Variants in CREBL2 observed in about 807,000 individuals in gnomAD.
CREBL2 encodes cAMP responsive element binding protein like 2, also known as cAMP-responsive element-binding protein-like 2.
A neutral mutation model predicts 19.5 loss-of-function variants in CREBL2; 4 were observed. The ratio of observed to expected loss-of-function variants is 0.20; its 90% CI spans 0.10 to 0.47. The LOEUF is 0.47. Among genes scored for constraint, CREBL2 ranks in the 20% least tolerant of loss-of-function variants. The pLI, the probability that CREBL2 is intolerant of heterozygous loss-of-function variation, is 0.98. For missense variants in CREBL2, 85 were observed against 145.1 expected, an observed-to-expected ratio of 0.59 and a Z score of 2.13; for synonymous variants, 42 against 46.6, an observed-to-expected ratio of 0.90 and a Z score of 0.40.
chr12:12,634,173 T>TG (rs35977324), intron 1 of CREBL2, among the ~76,000 whole-genome samples: 55,121 of 152,068 alleles, frequency 0.36, 10,179 homozygotes, highest in South Asian at 0.45. Flanking sequence ...TTGGAATAAA[T>TG]GTACCCCCTT....
intron 1 of CREBL2, among the ~76,000 whole-genome samples, chr12:12,628,690 C>T (rs1945420765): frequency 2.0e-5 from 3 of 152,050 alleles, no homozygotes; most frequent in African/African-American, 4.8e-5. Flanking sequence ...AGCTTCACTG[C>T]AGTCTTGACC....
intron 1 of CREBL2, among the ~76,000 whole-genome samples, chr12:12,626,617 G>A (rs764093909): frequency 2.0e-5 from 3 of 152,076 alleles, no homozygotes; most frequent in Non-Finnish European, 4.4e-5. Flanking sequence ...TGTTCATCCT[G>A]TGATTCTTAG....
At chr12:12,624,615 A>G (rs1945386127) in intron 1 of CREBL2, among the ~76,000 whole-genome samples, 1 of 152,210 alleles carries the variant, frequency 6.6e-6, no homozygotes, top group African/African-American at 2.4e-5. Context: ...ATGCAGGCCC[A>G]ATGGCAGCAT....
At chr12:12,612,933 G>A (rs1945279672) in intron 1 of CREBL2, among the ~76,000 whole-genome samples, 1 of 152,144 alleles carries the variant, frequency 6.6e-6, no homozygotes, top group African/African-American at 2.4e-5. Context: ...GTGCAATGGC[G>A]CGATCTCGGC....
intron 1 of CREBL2, among the ~76,000 whole-genome samples, chr12:12,631,583 T>C (rs1294550807): frequency 2.0e-5 from 3 of 152,244 alleles, no homozygotes; most frequent in Non-Finnish European, 4.4e-5. Flanking sequence ...AACAATGTGG[T>C]TATCATTGAG....
At position 12,641,250 on chromosome 12, in the gene CREBL2, A is replaced by ATTTT. The variant is rs1248375488; in HGVS notation, c.359-742_359-741insTTTT. Among the ~76,000 whole-genome samples, 390 of 57,800 alleles carry ATTTT rather than the reference A, an allele frequency of 6.7e-3. 40 individuals carry two copies. The highest frequency in any genetic ancestry group is 0.031 in the Middle Eastern group (3 of 96). 37.9% of individuals were successfully genotyped at this position (57,800 alleles called of 152,430 possible). On this transcript the variant is annotated intron_variant, in intron 3 of 3. Transcript: ENST00000228865. ...CTTTATTATTATTATTATTATTATTATTATTTTTTTTTATTTTTTTTTTTT... is the reference window on the plus strand; with the variant it reads ...CTTTATTATTATTATTATTATTATTATTTTTTATTTTTTTTTATTTTTTTTTTTT...
intron 1 of CREBL2, chr12:12,616,028 C>T (rs1945309296): frequency 6.6e-6 from 1 of 152,196 alleles, no homozygotes; most frequent in Admixed American, 6.5e-5. Flanking sequence ...AACACTGTAT[C>T]TATTATCTTG....
intron 1 of CREBL2, among the ~76,000 whole-genome samples, chr12:12,626,851 C>T (rs1407595624): frequency 7.4e-6 from 1 of 134,738 alleles, no homozygotes; most frequent in African/African-American, 2.8e-5. Flanking sequence ...GCCTGGGCAA[C>T]ATAGCGAGGC....
At position 12,641,980 on chromosome 12, in the gene CREBL2, C is replaced by T. The variant is rs1945526535; in HGVS notation, c.359-14C>T. 6.5e-7 allele frequency: 1 copy of T among 1,541,126 alleles called. No individual in the cohort carries two copies. The highest frequency in any genetic ancestry group is 1.4e-5 in the African/African-American group (1 of 72,940). On this transcript the variant is annotated splice_polypyrimidine_tract_variant and intron_variant, in intron 3 of 3. Coordinates refer to ENST00000228865, the MANE Select transcript of CREBL2 (RefSeq NM_001310.4). ...TCTAAAAACATTCTTACATTGGTAA[C>T]TTTTATTTTTCAGGGTGAAGATTAT...
rs869253910 is a variant in CREBL2 at position 12,632,068 on chromosome 12, C to CTTTTTTTTT, written c.16-3690_16-3682dup. 3.6e-4 allele frequency among the ~76,000 whole-genome samples: 29 copies of CTTTTTTTTT among 80,626 alleles called. 4 individuals carry two copies. In the East Asian group the frequency reaches 3.9e-3, roughly 11 times the overall value. 52.9% of individuals were successfully genotyped at this position (80,626 alleles called of 152,430 possible). A position where few individuals can be genotyped will look rare whatever the true frequency, so the allele number is the denominator to read the frequency against. ...CCTTGGATTCATATACTATGCCTTT[C>CTTTTTTTTT]TTTTTTTTTTTTTTTTTTTTTTTTT... On this transcript the variant is annotated intron_variant, in intron 1 of 3. Transcript: ENST00000228865.
intron 1 of CREBL2, among the ~76,000 whole-genome samples, chr12:12,631,959 T>C (rs1945445138): frequency 6.6e-6 from 1 of 152,016 alleles, no homozygotes; most frequent in Non-Finnish European, 1.5e-5. Context: ...ATTTGGTTTA[T>C]TACTGAGAAA....
chr12:12,640,748 C>T (rs1174342542), intron 3 of CREBL2, among the ~76,000 whole-genome samples: 13 of 152,168 alleles, frequency 8.5e-5, no homozygotes, highest in Non-Finnish European at 1.3e-4. Context: ...CCTGAGTTTC[C>T]GCAACAGAGT....
At chr12:12,638,178 TGCCTGTA>T (rs1018006121) in intron 3 of CREBL2, among the ~76,000 whole-genome samples, 5 of 152,156 alleles carry the variant, frequency 3.3e-5, no homozygotes, top group Admixed American at 3.3e-4. Flanking sequence ...TGGTGGCTTA[TGCCTGTA>T]GTCCCAGCAC....
chr12:12,616,615 A>G (rs1185499427), intron 1 of CREBL2, among the ~76,000 whole-genome samples: 1 of 152,210 alleles, frequency 6.6e-6, no homozygotes, highest in African/African-American at 2.4e-5. Flanking sequence ...ACTCTCCTTC[A>G]ACAGTCAGGC....
At chr12:12,639,572 G>C (rs566228288) in intron 3 of CREBL2, among the ~76,000 whole-genome samples, 4 of 152,228 alleles carry the variant, frequency 2.6e-5, no homozygotes, top group South Asian at 2.1e-4. Flanking sequence ...TTCTATGCTT[G>C]TTGGCCATTC....
At position 12,644,204 on chromosome 12, in the gene CREBL2, T is replaced by G. The variant is rs1945547175; in HGVS notation, c.*2206T>G. 1 of 152,270 alleles carries G rather than the reference T, an allele frequency of 6.6e-6. No homozygotes were observed. The highest frequency in any genetic ancestry group is 6.5e-5 in the Admixed American group (1 of 15,280). The allele number at this position is 152,270 out of a possible 1,614,324, so 9.4% of individuals were successfully genotyped here. ...TGAGGTTATTCCTAAACCTATTTAT[T>G]TGGTGTTTTGGAGGAGATCACACAC... On this transcript the variant is annotated 3_prime_UTR_variant, in exon 4 of 4. Transcript: ENST00000228865.
intron 3 of CREBL2, among the ~76,000 whole-genome samples, chr12:12,641,254 T>TTA (rs1379727723): frequency 1.0e-3 from 72 of 68,666 alleles, no homozygotes; most frequent in East Asian, 3.8e-3. Flanking sequence ...ATTATTATTA[T>TTA]TTTTTTTTAT....
At chr12:12,614,662 G>A (rs1176851128) in intron 1 of CREBL2, 2 of 288,480 alleles carry the variant, frequency 6.9e-6, no homozygotes, top group Non-Finnish European at 1.3e-5. Flanking sequence ...GGTCTCACTG[G>A]CTTTTTTTTC....
At chr12:12,624,075 T>C (rs1945381879) in intron 1 of CREBL2, among the ~76,000 whole-genome samples, 1 of 152,184 alleles carries the variant, frequency 6.6e-6, no homozygotes, top group African/African-American at 2.4e-5. Flanking sequence ...AATAAATTTT[T>C]GTTGGTTTAA....
Sources: allele counts gnomAD v4.1 joint callset (sites outside exome capture counted in the v4.1 genomes callset), GRCh38; gene constraint gnomAD v4.1.1; transcripts MANE v1.5; gene names NCBI Gene and HGNC (gene_info 2026-07-23, HGNC 2026-07-21).